Variants in GFM2 observed in about 807,000 individuals in gnomAD.
GFM2 encodes the protein GTP dependent ribosome recycling factor mitochondrial 2, also known as ribosome-releasing factor 2, mitochondrial.
Under a neutral mutation model 95.4 loss-of-function variants are expected in GFM2, and 72 were observed. That is an observed-to-expected ratio of 0.76 (90% CI 0.62 to 0.92). The LOEUF is 0.92. Ranked by LOEUF, GFM2 falls within the 40% of genes least tolerant of loss-of-function variation. The probability of loss-of-function intolerance (pLI) is 0.00; values close to 1 mark genes in which losing one functional copy is unlikely to be tolerated. For missense variants in GFM2, 825 were observed against 924.1 expected, an observed-to-expected ratio of 0.89 and a Z score of 1.39; for synonymous variants, 276 against 317.5, an observed-to-expected ratio of 0.87 and a Z score of 1.39.
intron 14 of GFM2, among the ~76,000 whole-genome samples, chr5:74,737,951 A>G (rs1742914043): frequency 6.6e-6 from 1 of 152,146 alleles, no homozygotes; most frequent in African/African-American, 2.4e-5. Flanking sequence ...CTGATCAGTT[A>G]TAAGTCTAGG....
chr5:74,741,119 G>A (rs1022928321), intron 11 of GFM2, among the ~76,000 whole-genome samples: 1 of 152,082 alleles, frequency 6.6e-6, no homozygotes, highest in African/African-American at 2.4e-5. Context: ...GAGTTTCCAT[G>A]AAAAATTTAA....
intron 15 of GFM2, 174 bp from the exon 16 acceptor site, chr5:74,733,272 C>T: frequency 2.0e-6 from 1 of 512,662 alleles, no homozygotes; most frequent in Non-Finnish European, 3.5e-6. Flanking sequence ...AGAATGATCG[C>T]TTGAGCCCAG....
At chr5:74,727,265 TAAAG>T (rs1264671316) in intron 17 of GFM2, among the ~76,000 whole-genome samples, 3 of 152,170 alleles carry the variant, frequency 2.0e-5, no homozygotes, top group Admixed American at 6.5e-5. Flanking sequence ...CTAAAACTAC[TAAAG>T]AGAGTATTAC....
At chr5:74,740,619 G>C (rs1221983512) in intron 11 of GFM2, among the ~76,000 whole-genome samples, 1 of 152,128 alleles carries the variant, frequency 6.6e-6, no homozygotes, top group Non-Finnish European at 1.5e-5. Context: ...AGAAAAGCTT[G>C]AGTGTGTTTG....
At chr5:74,724,699 CTTAAA>C (rs1363314477) in intron 19 of GFM2, among the ~76,000 whole-genome samples, 8 of 152,198 alleles carry the variant, frequency 5.3e-5, no homozygotes, top group South Asian at 2.1e-4. Context: ...GTTTGGAATA[CTTAAA>C]TTAACTTTGT....
At chr5:74,726,811 A>G (rs1750169504) in intron 17 of GFM2, among the ~76,000 whole-genome samples, 1 of 152,208 alleles carries the variant, frequency 6.6e-6, no homozygotes, top group African/African-American at 2.4e-5. Context: ...ATTATAGTCT[A>G]TAATTCTTCA....
chr5:74,748,453 A>G (rs1409079655), intron 7 of GFM2, among the ~76,000 whole-genome samples: 2 of 152,180 alleles, frequency 1.3e-5, no homozygotes, highest in East Asian at 1.9e-4. Context: ...CCATAGCTTC[A>G]GTGTCTTATT....
chr5:74,748,092 A>T (rs1163921553), intron 7 of GFM2, among the ~76,000 whole-genome samples: 1 of 152,222 alleles, frequency 6.6e-6, no homozygotes, highest in Non-Finnish European at 1.5e-5. Context: ...CTTAACTGAG[A>T]ATCAGGAGAC....
Position 74,721,368 on chromosome 5 carries a change from A to G in GFM2, c.*287T>C. ...AAGCTTAAGGACACAAAAGAAACACAACTTTGTGATACCACTCTTCTGAAG... is the reference window on the plus strand; with the variant it reads ...AAGCTTAAGGACACAAAAGAAACACGACTTTGTGATACCACTCTTCTGAAG... On this transcript the variant is annotated 3_prime_UTR_variant, in exon 21 of 21. Coordinates refer to ENST00000296805, the MANE Select transcript of GFM2 (RefSeq NM_032380.5). 1.4e-6 allele frequency: 1 copy of G among 734,504 alleles called. No homozygotes were observed. Among genetic ancestry groups the G allele is most frequent in the Non-Finnish European group, 2.5e-6 (1 of 406,210 alleles). 45.5% of individuals were successfully genotyped at this position (734,504 alleles called of 1,614,324 possible).
chr5:74,765,014 G>T, intron 1 of GFM2: 1 of 509,166 alleles, frequency 2.0e-6, no homozygotes, highest in Middle Eastern at 3.5e-4. Context: ...GTGAACTCCT[G>T]ACCTCAAGTG....
Position 74,736,839 on chromosome 5 carries a change from A to G in GFM2, c.1467T>C (p.Val489=). ...ATGGGGGTTCTATGGTACAGAAGAA[A>G]ACAGGTTCTGGAATCTCCACTCCAG... The part of the protein sequence containing the change: ...LLAGVEIPEP[V]FFCTIEPPSL... Residue 489 remains valine (V), a synonymous_variant, in exon 15 of 21, where the codon GTT becomes GTC. Transcript: ENST00000296805. 1 of 1,613,968 alleles carries G rather than the reference A, an allele frequency of 6.2e-7. No individual in the cohort carries two copies.
chr5:74,733,861 C>G (rs1173812226), intron 15 of GFM2, among the ~76,000 whole-genome samples: 1 of 152,096 alleles, frequency 6.6e-6, no homozygotes, highest in Non-Finnish European at 1.5e-5. Flanking sequence ...TAGTATAACT[C>G]TATGATGAAT....
chr5:74,745,594 C>T, intron 10 of GFM2, 84 bp downstream of exon 10: 2 of 1,180,936 alleles, frequency 1.7e-6, no homozygotes, highest in South Asian at 3.3e-5. Context: ...TGCAACCAAT[C>T]CCCGAGAGAT....
chr5:74,758,577 T>C (rs976954723), intron 5 of GFM2, among the ~76,000 whole-genome samples: 3 of 152,224 alleles, frequency 2.0e-5, no homozygotes, highest in Admixed American at 1.3e-4. Context: ...CACCTAATGC[T>C]GGTCTGTTGG....
chr5:74,759,488 A>C, intron 3 of GFM2, 62 bp from the exon 4 acceptor site: 1 of 859,490 alleles, frequency 1.2e-6, no homozygotes, highest in Non-Finnish European at 1.9e-6. Flanking sequence ...TAATTTATAA[A>C]TGAAAGACTT....
At chr5:74,742,557 T>C (rs1439501840) in intron 10 of GFM2, among the ~76,000 whole-genome samples, 2 of 152,256 alleles carry the variant, frequency 1.3e-5, no homozygotes, top group Non-Finnish European at 2.9e-5. Flanking sequence ...CTATTATTAC[T>C]GTGCACCTTC....
intron 10 of GFM2, among the ~76,000 whole-genome samples, chr5:74,742,102 C>T (rs1220119135): frequency 2.0e-5 from 3 of 152,104 alleles, no homozygotes; most frequent in South Asian, 4.1e-4. Context: ...GGAAGGGAGG[C>T]GTAGGCAATA....
intron 10 of GFM2, among the ~76,000 whole-genome samples, chr5:74,744,838 G>A (rs1282877375): frequency 6.6e-6 from 1 of 152,070 alleles, no homozygotes; most frequent in Non-Finnish European, 1.5e-5. Flanking sequence ...CCATCCACAG[G>A]AGAATACCCA....
intron 15 of GFM2, among the ~76,000 whole-genome samples, chr5:74,735,298 G>A (rs1329747364): frequency 6.6e-6 from 1 of 152,178 alleles, no homozygotes; most frequent in Non-Finnish European, 1.5e-5. Flanking sequence ...TTCAGTACTG[G>A]GGGCTGTCTT....
Sources: allele counts gnomAD v4.1 joint callset (sites outside exome capture counted in the v4.1 genomes callset), GRCh38; gene constraint gnomAD v4.1.1; transcripts MANE v1.5; gene names NCBI Gene and HGNC (gene_info 2026-07-23, HGNC 2026-07-21).